LRRC4C: variants seen among roughly 807,000 people sequenced by gnomAD.
The protein encoded by LRRC4C is leucine rich repeat containing 4C, also known as leucine-rich repeat-containing protein 4C.
LRRC4C carries 5 observed loss-of-function variants against 33.6 expected under a neutral mutation model. The observed-to-expected ratio is 0.15, with a 90% confidence interval of 0.08 to 0.31. The LOEUF (loss-of-function observed/expected upper bound fraction) is 0.31, where lower values mean the gene tolerates loss of function less well. Ranked by LOEUF, LRRC4C falls within the 10% of genes least tolerant of loss-of-function variation. The pLI is 1.00. For synonymous variants in LRRC4C, 329 were observed against 302.0 expected (o/e 1.09, Z -0.93); for missense variants, 560 against 796.7 (o/e 0.70, Z 3.58).
Position 40,307,421 on chromosome 11 carries a change from A to G in LRRC4C, c.-176+12207T>C, listed in dbSNP as rs1268330342. Among the ~76,000 whole-genome samples the G allele has an allele frequency of 3.3e-5, 5 of 152,142 alleles. 1 individual carries two copies. On this transcript the variant is annotated intron_variant, in intron 4 of 6. Coordinates refer to ENST00000528697, the MANE Select transcript of LRRC4C (RefSeq NM_001258419.2). Reference sequence around the variant, plus strand: ...CTCCCTTGCCTGTGTAGCTCTGTCTACTGCAACACTCTCCCACCCAGCTTC... The same window carrying G: ...CTCCCTTGCCTGTGTAGCTCTGTCTGCTGCAACACTCTCCCACCCAGCTTC...
chr11:40,746,923 C>A (rs922295242), intron 2 of LRRC4C, among the ~76,000 whole-genome samples: 2 of 152,322 alleles, frequency 1.3e-5, no homozygotes, highest in African/African-American at 4.8e-5. Flanking sequence ...GGTCATCCTG[C>A]CACTGCCACT....
intron 3 of LRRC4C, among the ~76,000 whole-genome samples, chr11:40,464,277 T>C (rs749274974): frequency 2.0e-5 from 3 of 151,854 alleles, no homozygotes; most frequent in Non-Finnish European, 4.4e-5. Context: ...AAATTCAGCA[T>C]CAATTGCTGA....
At chr11:40,116,506 G>T (rs552623916) in intron 6 of LRRC4C, among the ~76,000 whole-genome samples, 172 bp from the exon 7 acceptor site, 3 of 152,096 alleles carry the variant, frequency 2.0e-5, no homozygotes, top group African/African-American at 7.2e-5. Context: ...AGAAGAAAAT[G>T]TACCTTTAAT....
At chr11:41,305,921 A>T (rs558251177) in intron 1 of LRRC4C, among the ~76,000 whole-genome samples, 2,668 of 60,812 alleles carry the variant, frequency 0.044, 80 homozygotes, top group African/African-American at 0.089. Flanking sequence ...ATTAAAAAAA[A>T]ATAATAAAAT....
At chr11:40,150,922 G>C (rs940459846) in intron 5 of LRRC4C, among the ~76,000 whole-genome samples, 2 of 152,016 alleles carry the variant, frequency 1.3e-5, no homozygotes, top group African/African-American at 4.8e-5. Context: ...TTACATATGG[G>C]GGTGGTGGTG....
intron 1 of LRRC4C, among the ~76,000 whole-genome samples, chr11:41,105,090 T>C (rs963282947): frequency 6.6e-6 from 1 of 152,032 alleles, no homozygotes. Flanking sequence ...GTAAATTATA[T>C]TGCAATAAAA....
intron 1 of LRRC4C, among the ~76,000 whole-genome samples, chr11:41,411,121 G>T (rs78667823): frequency 0.034 from 4,097 of 121,036 alleles, 238 homozygotes; most frequent in African/African-American, 0.12. Flanking sequence ...TTTTAGATGA[G>T]AAACACTTGG....
intron 4 of LRRC4C, among the ~76,000 whole-genome samples, chr11:40,282,414 C>G (rs768898280): frequency 6.6e-6 from 1 of 151,998 alleles, no homozygotes; most frequent in African/African-American, 2.4e-5. Flanking sequence ...CAAATCCTCA[C>G]GCTTTATCAT....
At position 41,043,138 on chromosome 11, in the gene LRRC4C, C is replaced by A. The variant is rs942964401; in HGVS notation, c.-495-109415G>T. On this transcript the variant is annotated intron_variant, in intron 1 of 6. Coordinates refer to ENST00000528697, the MANE Select transcript of LRRC4C (RefSeq NM_001258419.2). ...AATTCAGAGTATTTGATTTGATGAG[C>A]TTGATCTATTTCTTCTTATGTTCCA... is the stretch of plus-strand genomic sequence containing the variant. Among the ~76,000 whole-genome samples the A allele has an allele frequency of 5.4e-4, 60 of 111,410 alleles. 1 individual carries two copies. The highest frequency in any genetic ancestry group is 6.1e-4 in the Non-Finnish European group (36 of 58,908). 73.1% of individuals were successfully genotyped at this position (111,410 alleles called of 152,430 possible).
rs148008123 is a variant in LRRC4C at position 40,688,775 on chromosome 11, A to G, written c.-406-40497T>C. ...AGAAGACGTGTTTGATTGGCGGGAG[A>G]CCAATTTACACTTTCACACATAATG... On this transcript the variant is annotated intron_variant, in intron 2 of 6. Transcript: ENST00000528697. Among the ~76,000 whole-genome samples, 786 of 152,220 alleles carry G rather than the reference A, an allele frequency of 5.2e-3. 10 individuals are homozygous for G. The highest frequency in any genetic ancestry group is 0.018 in the African/African-American group (749 of 41,548).
chr11:40,376,246 T>C (rs971760778), intron 3 of LRRC4C, among the ~76,000 whole-genome samples: 1 of 152,212 alleles, frequency 6.6e-6, no homozygotes, highest in Non-Finnish European at 1.5e-5. Flanking sequence ...ACCCCTCTTG[T>C]CAGACATTCC....
chr11:40,735,718 C>A (rs1426049205), intron 2 of LRRC4C, among the ~76,000 whole-genome samples: 4 of 147,666 alleles, frequency 2.7e-5, no homozygotes, highest in African/African-American at 1.0e-4. Flanking sequence ...GTTCTAGATC[C>A]CTGAGGAATC....
intron 2 of LRRC4C, among the ~76,000 whole-genome samples, chr11:40,718,541 G>C (rs572875037): frequency 6.6e-6 from 1 of 152,108 alleles, no homozygotes; most frequent in African/African-American, 2.4e-5. Flanking sequence ...AAAGATTAGA[G>C]GACACTTAGG....
chr11:40,180,322 A>C (rs1436536377), intron 5 of LRRC4C, among the ~76,000 whole-genome samples: 1 of 152,238 alleles, frequency 6.6e-6, no homozygotes, highest in East Asian at 1.9e-4. Flanking sequence ...TTTGAAAATA[A>C]GATGATGAAT....
chr11:40,736,342 C>T (rs900637373), intron 2 of LRRC4C, among the ~76,000 whole-genome samples: 1 of 152,094 alleles, frequency 6.6e-6, no homozygotes, highest in Non-Finnish European at 1.5e-5. Flanking sequence ...AGGACATGAG[C>T]TCATCCTTTT....
chr11:40,767,786 G>A (rs181338183), intron 2 of LRRC4C, among the ~76,000 whole-genome samples: 2 of 151,948 alleles, frequency 1.3e-5, no homozygotes, highest in East Asian at 3.9e-4. Flanking sequence ...AAATGAAAAT[G>A]CAACATACCA....
intron 3 of LRRC4C, among the ~76,000 whole-genome samples, chr11:40,373,804 GC>G (rs1948555536): frequency 6.6e-6 from 1 of 152,054 alleles, no homozygotes; most frequent in African/African-American, 2.4e-5. Context: ...TGACACACCT[GC>G]TTCTGTTTTG....
At chr11:40,857,101 C>T (rs1006034859) in intron 2 of LRRC4C, among the ~76,000 whole-genome samples, 10 of 152,154 alleles carry the variant, frequency 6.6e-5, no homozygotes, top group African/African-American at 1.7e-4. Context: ...AGATTATACA[C>T]CAAATTTCTC....
chr11:40,398,303 C>T (rs1424005004), intron 3 of LRRC4C, among the ~76,000 whole-genome samples: 1 of 151,786 alleles, frequency 6.6e-6, no homozygotes, highest in Non-Finnish European at 1.5e-5. Context: ...TTACTATTTC[C>T]TTATATTCAT....
Sources: allele counts gnomAD v4.1 joint callset (sites outside exome capture counted in the v4.1 genomes callset), GRCh38; gene constraint gnomAD v4.1.1; transcripts MANE v1.5; gene names NCBI Gene and HGNC (gene_info 2026-07-23, HGNC 2026-07-21).